Variants in PCDHGA7 observed in about 807,000 individuals in gnomAD.
The protein encoded by PCDHGA7 is protocadherin gamma subfamily A, 7.
In PCDHGA7, 44 loss-of-function variants were observed where a neutral mutation model predicts 58.3. The ratio of observed to expected loss-of-function variants is 0.75; its 90% confidence interval spans 0.59 to 0.97. The LOEUF is 0.97. Among genes scored for constraint, PCDHGA7 ranks in the 50% least tolerant of loss-of-function variants. The pLI is 0.00. For missense variants in PCDHGA7, 1,266 were observed against 1,188.7 expected (o/e 1.06, Z -0.96); for synonymous variants, 516 against 504.2 (o/e 1.02, Z -0.31).
intron 1 of PCDHGA7, among the ~76,000 whole-genome samples, chr5:141,464,882 A>T (rs1418376370): frequency 6.6e-6 from 1 of 151,918 alleles, no homozygotes; most frequent in Middle Eastern, 3.2e-3. Context: ...AGGACTACAG[A>T]TGGATGCCAC....
At chr5:141,402,025 AAC>A (rs1265000731) in intron 1 of PCDHGA7, among the ~76,000 whole-genome samples, 9 of 152,192 alleles carry the variant, frequency 5.9e-5, no homozygotes, top group African/African-American at 1.7e-4. Flanking sequence ...GAATCATTGA[AAC>A]ACAGTCTGTG....
At chr5:141,501,328 CA>C (rs1446948770) in intron 2 of PCDHGA7, among the ~76,000 whole-genome samples, 83 of 151,828 alleles carry the variant, frequency 5.5e-4, no homozygotes, top group Admixed American at 2.2e-3. Context: ...CACACACACA[CA>C]CACACCCCAA....
intron 1 of PCDHGA7, chr5:141,422,710 G>T: frequency 6.2e-7 from 1 of 1,603,486 alleles, no homozygotes; most frequent in African/African-American, 1.3e-5. Context: ...TCTGACGGAT[G>T]ACACTGTCCA....
intron 1 of PCDHGA7, chr5:141,408,227 C>G (rs771279344): frequency 1.9e-6 from 3 of 1,562,978 alleles, no homozygotes; most frequent in East Asian, 2.4e-5. Context: ...CGCGCAGAGG[C>G]GCCGGGCCGG....
At chr5:141,502,499 C>A (rs552402476) in intron 2 of PCDHGA7, among the ~76,000 whole-genome samples, 12 of 152,122 alleles carry the variant, frequency 7.9e-5, no homozygotes, top group Non-Finnish European at 2.9e-5. Flanking sequence ...CATCTAACGT[C>A]GGCCTGTCCC....
At chr5:141,437,761 C>G (rs1200327020) in intron 1 of PCDHGA7, among the ~76,000 whole-genome samples, 3 of 144,682 alleles carry the variant, frequency 2.1e-5, no homozygotes, top group Admixed American at 7.0e-5. Flanking sequence ...TTTTTTGAGA[C>G]AGAGTCTCAA....
chr5:141,394,013 T>C, intron 1 of PCDHGA7: 1 of 1,613,384 alleles, frequency 6.2e-7, no homozygotes, highest in Non-Finnish European at 8.5e-7. Flanking sequence ...CAATAGGTAA[T>C]TATTATAGAT....
At chr5:141,419,792 G>T (rs1379811891) in intron 1 of PCDHGA7, 15 of 1,613,924 alleles carry the variant, frequency 9.3e-6, no homozygotes, top group African/African-American at 2.7e-5. Flanking sequence ...CCTGCTAGTC[G>T]CTGTAAGAGA....
chr5:141,449,537 C>T (rs1377909573), intron 1 of PCDHGA7, among the ~76,000 whole-genome samples: 1 of 146,330 alleles, frequency 6.8e-6, no homozygotes, highest in Non-Finnish European at 1.5e-5. Flanking sequence ...TGCAGTGAGC[C>T]GAGATCGCAC....
chr5:141,492,942 G>A (rs897160295), intron 1 of PCDHGA7, among the ~76,000 whole-genome samples: 3 of 152,220 alleles, frequency 2.0e-5, no homozygotes, highest in African/African-American at 7.2e-5. Context: ...GAGATTTGGA[G>A]GTGACCAAAC....
chr5:141,435,467 G>A (rs1019246812), intron 1 of PCDHGA7, among the ~76,000 whole-genome samples: 3 of 152,146 alleles, frequency 2.0e-5, no homozygotes, highest in Non-Finnish European at 2.9e-5. Context: ...GTGTTTCCAA[G>A]TTAGACATTT....
In PCDHGA7 at chr5:141,491,801, G is replaced by C; in HGVS notation, c.2425-3006G>C. 1 of 1,500,844 alleles carries C rather than the reference G, an allele frequency of 6.7e-7. No individual in the cohort carries two copies. Among genetic ancestry groups the C allele is most frequent in the Non-Finnish European group, 8.9e-7 (1 of 1,125,292 alleles). The allele number at this position is 1,500,844 out of a possible 1,614,324, so 93.0% of individuals were successfully genotyped here. The stretch of plus-strand genomic sequence containing the variant: ...AACTTGCATCCACTCCTCTCCGGCC[G>C]GCTTGGTCGCTGGCTGCGCTCCACC... On this transcript the variant is annotated intron_variant, in intron 1 of 3. Coordinates refer to ENST00000518325, the MANE Select transcript of PCDHGA7 (RefSeq NM_018920.4). The surrounding 1 kb of genome is among the most constrained non-coding windows in gnomAD (Gnocchi z 6.9).
intron 1 of PCDHGA7, chr5:141,416,848 G>A (rs2154546681): frequency 1.3e-5 from 2 of 152,166 alleles, no homozygotes; most frequent in East Asian, 3.9e-4. Flanking sequence ...ATAATTCCAT[G>A]ATTTTTTTCA....
At position 141,477,100 on chromosome 5, in the gene PCDHGA7, C is replaced by A. The variant is rs970613825; in HGVS notation, c.2425-17707C>A. On this transcript the variant is annotated intron_variant, in intron 1 of 3. Transcript: ENST00000518325. This position sits in a 1 kb window ranked among gnomAD's most constrained non-coding sequence, Gnocchi z 4.9. ...TTTACATCCAGGCCAAAGACAAGGGCGCCAATCCCGAAGGAGCACATTGCA... is the reference window on the plus strand; with the variant it reads ...TTTACATCCAGGCCAAAGACAAGGGAGCCAATCCCGAAGGAGCACATTGCA... 1 of 1,614,216 alleles carries A rather than the reference C, an allele frequency of 6.2e-7. No homozygotes were observed. Among genetic ancestry groups the A allele is most frequent in the Non-Finnish European group, 8.5e-7 (1 of 1,180,040 alleles).
At chr5:141,401,667 C>T (rs539975682) in intron 1 of PCDHGA7, among the ~76,000 whole-genome samples, 1 of 152,340 alleles carries the variant, frequency 6.6e-6, no homozygotes, top group South Asian at 2.1e-4. Context: ...GTTTTCTCAA[C>T]ATCCTTGTAG....
At chr5:141,418,895 GAA>G (rs746676640) in intron 1 of PCDHGA7, 1 of 1,613,998 alleles carries the variant, frequency 6.2e-7, no homozygotes, top group Admixed American at 1.7e-5. Flanking sequence ...CAACAGCCCA[GAA>G]ATAATCATCA....
At chr5:141,404,266 C>T in intron 1 of PCDHGA7, 1 of 1,613,980 alleles carries the variant, frequency 6.2e-7, no homozygotes. Flanking sequence ...AAATTCACAT[C>T]ACCCTGCAAG....
At chr5:141,469,994 C>T (rs948868787) in intron 1 of PCDHGA7, among the ~76,000 whole-genome samples, 2 of 151,830 alleles carry the variant, frequency 1.3e-5, no homozygotes, top group Non-Finnish European at 1.5e-5. Flanking sequence ...AGCTGGTCGT[C>T]GTGGCACGCC....
chr5:141,384,154 A>G lies in PCDHGA7; in HGVS notation c.1255A>G (p.Asn419Asp). Reference protein sequence around the residue: ...NLDRETLSLYNITLKATDGGT... With the variant: ...NLDRETLSLYDITLKATDGGT... ...GGACCGGGAAACACTCTCTTTGTAT[A>G]ACATCACACTGAAAGCCACAGATGG... The change falls in exon 1 of 4, where the codon AAC (asparagine) becomes GAC (aspartate). Residue 419 changes from asparagine (N) to aspartate (D), a missense_variant. Transcript: ENST00000518325. The G allele has an allele frequency of 1.9e-6, 3 of 1,613,512 alleles. No homozygotes were observed. The highest frequency in any genetic ancestry group is 2.5e-6 in the Non-Finnish European group (3 of 1,179,712).
Sources: gnomAD v4.1 joint callset for allele counts (sites outside exome capture counted in the v4.1 genomes callset) on GRCh38, gnomAD v4.1.1 for gene constraint, Gnocchi (gnomAD v3.1) non-coding constraint, MANE v1.5 for transcripts, NCBI Gene and HGNC (gene_info 2026-07-23, HGNC 2026-07-21) for gene names.